The following FAAH2 variants were observed in gnomAD, a reference collection of about 807,000 sequenced individuals.
FAAH2 encodes fatty acid amide hydrolase 2.
Under a neutral mutation model 36.9 loss-of-function variants are expected in FAAH2, and 60 were observed. The ratio of observed to expected loss-of-function variants is 1.63; its 90% CI spans 1.32 to 2.02. FAAH2 has a LOEUF of 2.02. Among genes scored for constraint, FAAH2 ranks in the 30% most tolerant of loss-of-function variants. FAAH2 has a pLI of 0.00. For synonymous variants in FAAH2, 214 were observed against 143.8 expected, an observed-to-expected ratio of 1.49 and a Z score of -3.49; for missense variants, 689 against 397.5, an observed-to-expected ratio of 1.73 and a Z score of -6.23.
chrX:57,350,243 G>T (rs192587931), intron 5 of FAAH2, among the ~76,000 whole-genome samples: 1 of 110,866 alleles, frequency 9.0e-6, no homozygotes, highest in Non-Finnish European at 1.9e-5. Flanking sequence ...GGCCCTACAA[G>T]AAATGCTCAA....
chrX:57,421,140 T>C (rs1037384082), intron 7 of FAAH2, among the ~76,000 whole-genome samples: 7 of 112,376 alleles, frequency 6.2e-5, no homozygotes, highest in African/African-American at 2.3e-4. Flanking sequence ...AAAACTATTA[T>C]CAAGAAGCCA....
chrX:57,221,663 C>A, the FAAH2 span, among the ~76,000 whole-genome samples: 1 of 111,496 alleles, frequency 9.0e-6, no homozygotes, highest in African/African-American at 3.3e-5. Context: ...GTTCCTTACC[C>A]ATATACTTTA....
At chrX:57,415,390 C>T (rs2055815053) in intron 7 of FAAH2, among the ~76,000 whole-genome samples, 1 of 111,773 alleles carries the variant, frequency 8.9e-6, no homozygotes, top group Non-Finnish European at 1.9e-5. Flanking sequence ...CTAAACACTG[C>T]TTTAGCTGTG....
intron 1 of FAAH2, among the ~76,000 whole-genome samples, chrX:57,288,819 A>G (rs911027546): frequency 9.0e-6 from 1 of 111,282 alleles, no homozygotes; most frequent in Non-Finnish European, 1.9e-5. Flanking sequence ...AACTATTACT[A>G]TTATTACTAT....
the FAAH2 span, among the ~76,000 whole-genome samples, chrX:57,160,510 A>G: frequency 6.4e-4 from 71 of 111,709 alleles, no homozygotes; most frequent in African/African-American, 2.1e-3. Context: ...TATTGCCTCA[A>G]TTTCAGATCC....
chrX:57,251,234 G>T, the FAAH2 span, among the ~76,000 whole-genome samples: 1 of 111,980 alleles, frequency 8.9e-6, no homozygotes, highest in African/African-American at 3.2e-5. Flanking sequence ...TACTTTAAAA[G>T]AATCAAAAAC....
intron 10 of FAAH2, among the ~76,000 whole-genome samples, chrX:57,482,685 G>A (rs185310489): frequency 2.1e-4 from 22 of 104,702 alleles, no homozygotes; most frequent in African/African-American, 4.1e-4. Context: ...GCTTGTATTC[G>A]GCCATCTTGG....
At chrX:57,463,976 T>A (rs983818252) in intron 10 of FAAH2, among the ~76,000 whole-genome samples, 1 of 111,867 alleles carries the variant, frequency 8.9e-6, no homozygotes, top group East Asian at 2.8e-4. Flanking sequence ...CAGCACTATT[T>A]ACACTAGCAA....
chrX:57,247,448 C>T, the FAAH2 span, among the ~76,000 whole-genome samples: 22 of 110,817 alleles, frequency 2.0e-4, no homozygotes, highest in Admixed American at 6.7e-4. Context: ...TAAAATACAG[C>T]CATTTAAAGA....
chrX:57,418,771 C>T (rs903439011), intron 7 of FAAH2, among the ~76,000 whole-genome samples: 34 of 108,885 alleles, frequency 3.1e-4, no homozygotes, highest in Non-Finnish European at 6.1e-4. Context: ...GCACAATGTG[C>T]AGGTTAGTTA....
intron 4 of FAAH2, 22 bp from the exon 5 acceptor site, chrX:57,341,248 CA>C: frequency 8.4e-7 from 1 of 1,183,931 alleles, no homozygotes; most frequent in African/African-American, 1.8e-5. Context: ...TATTTATTTG[CA>C]AGTATTTTGT....
the FAAH2 span, among the ~76,000 whole-genome samples, chrX:57,219,460 C>T: frequency 5.4e-5 from 6 of 111,760 alleles, no homozygotes. Context: ...TGCATGCAGT[C>T]GGTCACTGAT....
the FAAH2 span, among the ~76,000 whole-genome samples, chrX:57,246,732 G>A: frequency 8.9e-6 from 1 of 111,931 alleles, no homozygotes; most frequent in Non-Finnish European, 1.9e-5. Flanking sequence ...TTAAAAGTGT[G>A]GCATTAAAAG....
chrX:57,313,241 T>A (rs1301462125), intron 3 of FAAH2, among the ~76,000 whole-genome samples: 1 of 109,828 alleles, frequency 9.1e-6, no homozygotes, highest in African/African-American at 3.3e-5. Flanking sequence ...AAATGTGGAA[T>A]GATATAAGAA....
chrX:57,257,910 G>A, the FAAH2 span, among the ~76,000 whole-genome samples: 2 of 111,543 alleles, frequency 1.8e-5, no homozygotes, highest in Non-Finnish European at 3.8e-5. Context: ...AAAGCAACTA[G>A]AGATTCAATG....
At chrX:57,343,862 G>A (rs1029982621) in intron 5 of FAAH2, among the ~76,000 whole-genome samples, 5 of 111,379 alleles carry the variant, frequency 4.5e-5, no homozygotes, top group Admixed American at 1.9e-4. Flanking sequence ...GCCATTTATT[G>A]AATAGGAAGT....
chrX:57,148,589 G>T, the FAAH2 span, among the ~76,000 whole-genome samples: 1 of 111,707 alleles, frequency 9.0e-6, no homozygotes, highest in African/African-American at 3.3e-5. Context: ...AAGAATGCTT[G>T]TGATTTTTGT....
intron 7 of FAAH2, among the ~76,000 whole-genome samples, chrX:57,408,938 C>T (rs922473531): frequency 2.7e-5 from 3 of 110,773 alleles, no homozygotes; most frequent in Admixed American, 9.7e-5. Context: ...CATTGTTAGA[C>T]GATTTTGTTA....
the FAAH2 span, among the ~76,000 whole-genome samples, chrX:57,270,570 G>A: frequency 8.9e-6 from 1 of 111,831 alleles, no homozygotes; most frequent in South Asian, 3.8e-4. Context: ...AAACACCTGT[G>A]TGCAGTTCCC....
Sources: gnomAD v4.1 joint callset for allele counts (sites outside exome capture counted in the v4.1 genomes callset) on GRCh38, gnomAD v4.1.1 for gene constraint, MANE v1.5 for transcripts, NCBI Gene and HGNC (gene_info 2026-07-23, HGNC 2026-07-21) for gene names.